Variants in NETO2 observed in about 807,000 individuals in gnomAD.
The protein encoded by NETO2 is neuropilin and tolloid-like protein 2.
In NETO2, 28 loss-of-function variants were observed where a neutral mutation model predicts 62.5. The observed-to-expected ratio is 0.45, with a 90% confidence interval of 0.33 to 0.61. NETO2 has a LOEUF of 0.61. Ranked by LOEUF, NETO2 falls within the 20% of genes least tolerant of loss-of-function variation. The pLI is 0.02. For missense variants in NETO2, 548 were observed against 643.2 expected (o/e 0.85, Z 1.60); for synonymous variants, 214 against 219.1 (o/e 0.98, Z 0.21).
At chr16:47,105,707 C>T (rs1375690030) in intron 7 of NETO2, among the ~76,000 whole-genome samples, 1 of 152,090 alleles carries the variant, frequency 6.6e-6, no homozygotes, top group Non-Finnish European at 1.5e-5. Flanking sequence ...GTATGAATAG[C>T]CAAGAAGCCC....
intron 7 of NETO2, among the ~76,000 whole-genome samples, chr16:47,098,711 C>T (rs1963482593): frequency 6.6e-6 from 1 of 152,020 alleles, no homozygotes; most frequent in South Asian, 2.1e-4. Flanking sequence ...AGAGCAACCC[C>T]AAGACACATA....
chr16:47,143,551 C>T, intron 1 of NETO2, 28 bp downstream of exon 1: 2 of 1,222,110 alleles, frequency 1.6e-6, no homozygotes, highest in Non-Finnish European at 2.0e-6. Flanking sequence ...CAGGGGGCGC[C>T]GTCCGTGGCC....
intron 6 of NETO2, among the ~76,000 whole-genome samples, chr16:47,114,356 A>C (rs1180524341): frequency 7.5e-6 from 1 of 134,218 alleles, no homozygotes; most frequent in South Asian, 2.2e-4. Context: ...TTTTTCTCCC[A>C]GTCAGTGGCT....
In NETO2 at chr16:47,079,144, G is replaced by A. The variant is rs927783907; in HGVS notation, c.*4077C>T. 6.6e-6 allele frequency: 1 copy of A among 150,680 alleles called. No homozygotes were observed. The highest frequency in any genetic ancestry group is 2.4e-5 in the African/African-American group (1 of 40,828). 9.3% of individuals were successfully genotyped at this position (150,680 alleles called of 1,614,324 possible). A position where few individuals can be genotyped will look rare whatever the true frequency, so the allele number is the denominator to read the frequency against. On this transcript the variant is annotated 3_prime_UTR_variant, in exon 9 of 9. Coordinates refer to ENST00000562435, the MANE Select transcript of NETO2 (RefSeq NM_018092.5). ...AAAATACAAAAAATTAGCCGGGCAT[G>A]GTGGCGGGCGCCTGTAGTCCCAGCT...
At chr16:47,107,651 T>A (rs1398337785) in intron 7 of NETO2, among the ~76,000 whole-genome samples, 1 of 152,114 alleles carries the variant, frequency 6.6e-6, no homozygotes, top group Admixed American at 6.6e-5. Flanking sequence ...AGCATTGCCG[T>A]AAAGTAAGAA....
At chr16:47,088,253 G>A (rs896720926) in intron 7 of NETO2, among the ~76,000 whole-genome samples, 3 of 152,062 alleles carry the variant, frequency 2.0e-5, no homozygotes, top group Admixed American at 6.6e-5. Context: ...CTACAGGCAC[G>A]TGTCACCATG....
rs1339039066 is a variant in NETO2, at chr16:47,078,890, A to C, written c.*4331T>G. On this transcript the variant is annotated 3_prime_UTR_variant, in exon 9 of 9. Coordinates refer to ENST00000562435, the MANE Select transcript of NETO2 (RefSeq NM_018092.5). ...TACATACATTTAAAGAAAAGGGGAA[A>C]TATAATGCATTGAAGAAATTACAGA... is the stretch of plus-strand genomic sequence containing the variant. 1 of 152,250 alleles carries C rather than the reference A, an allele frequency of 6.6e-6. No individual in the cohort carries two copies. Among genetic ancestry groups the C allele is most frequent in the East Asian group, 1.9e-4 (1 of 5,202 alleles). The allele number at this position is 152,250 out of a possible 1,614,324, so 9.4% of individuals were successfully genotyped here.
At chr16:47,115,881 T>G (rs954487343) in intron 6 of NETO2, among the ~76,000 whole-genome samples, 12 of 151,196 alleles carry the variant, frequency 7.9e-5, no homozygotes, top group African/African-American at 2.7e-4. Context: ...TGCAATTGAT[T>G]TTTGTATACT....
chr16:47,099,792 G>A (rs1443886505), intron 7 of NETO2, among the ~76,000 whole-genome samples: 1 of 152,126 alleles, frequency 6.6e-6, no homozygotes, highest in Non-Finnish European at 1.5e-5. Context: ...CAATACAGGA[G>A]CACCCAGATT....
chr16:47,122,077 T>C (rs980648291), intron 6 of NETO2, among the ~76,000 whole-genome samples: 3 of 152,182 alleles, frequency 2.0e-5, no homozygotes, highest in African/African-American at 7.2e-5. Context: ...TTAAATATAA[T>C]TTTAACTCTG....
In NETO2 at chr16:47,106,531, T is replaced by C. The variant is rs539146746; in HGVS notation, c.883+2952A>G. On this transcript the variant is annotated intron_variant, in intron 7 of 8. Transcript: ENST00000562435. ...GGGTTTTTGGCAATATCTAACGAAA[T>C]TACACAACTTTTTAAACCAAACAAT... Among the ~76,000 whole-genome samples the C allele has an allele frequency of 2.8e-4, 43 of 152,108 alleles. No individual in the cohort carries two copies. In the South Asian group the frequency reaches 8.5e-3, roughly 30 times the overall value.
intron 7 of NETO2, among the ~76,000 whole-genome samples, chr16:47,097,064 G>A (rs889398086): frequency 2.6e-5 from 4 of 152,214 alleles, no homozygotes; most frequent in African/African-American, 9.6e-5. Context: ...TACACCACCA[G>A]GGACCTGGGT....
At chr16:47,094,460 C>CT (rs1963386801) in intron 7 of NETO2, among the ~76,000 whole-genome samples, 1 of 151,910 alleles carries the variant, frequency 6.6e-6, no homozygotes, top group Non-Finnish European at 1.5e-5. Context: ...GAGTCTTACT[C>CT]TGTCACCCAG....
intron 6 of NETO2, among the ~76,000 whole-genome samples, chr16:47,111,444 TATTGA>T (rs1183030197): frequency 6.6e-6 from 1 of 152,258 alleles, no homozygotes; most frequent in African/African-American, 2.4e-5. Context: ...TACAGCTAAA[TATTGA>T]ATTGTTTAGT....
intron 1 of NETO2, among the ~76,000 whole-genome samples, chr16:47,138,874 C>A (rs374339100): frequency 6.6e-6 from 1 of 152,302 alleles, no homozygotes; most frequent in South Asian, 2.1e-4. Context: ...GAACACAGGC[C>A]GCCTTCCCAT....
intron 1 of NETO2, among the ~76,000 whole-genome samples, chr16:47,143,271 G>T (rs1202870806): frequency 6.6e-6 from 1 of 152,030 alleles, no homozygotes; most frequent in African/African-American, 2.4e-5. Context: ...CGGCGCGAGG[G>T]CGCAGCCCGG....
At chr16:47,112,145 C>T (rs1567389721) in intron 6 of NETO2, among the ~76,000 whole-genome samples, 1 of 151,988 alleles carries the variant, frequency 6.6e-6, no homozygotes, top group African/African-American at 2.4e-5. Context: ...CTTGAACTGC[C>T]AGGCTCAAGT....
chr16:47,114,381 T>A (rs1390449911), intron 6 of NETO2, among the ~76,000 whole-genome samples: 1 of 144,510 alleles, frequency 6.9e-6, no homozygotes, highest in Non-Finnish European at 1.5e-5. Flanking sequence ...TTTTTTTTTC[T>A]CACTCAACAG....
intron 7 of NETO2, among the ~76,000 whole-genome samples, chr16:47,106,736 T>A (rs1963683082): frequency 6.6e-6 from 1 of 151,876 alleles, no homozygotes; most frequent in African/African-American, 2.4e-5. Flanking sequence ...AGCTATAAAA[T>A]AAAAATGTGC....
Sources: allele counts gnomAD v4.1 joint callset (sites outside exome capture counted in the v4.1 genomes callset), GRCh38; gene constraint gnomAD v4.1.1; transcripts MANE v1.5; gene names NCBI Gene and HGNC (gene_info 2026-07-23, HGNC 2026-07-21).